Variants in ARF1 observed in about 807,000 individuals in gnomAD.
The protein encoded by ARF1 is ADP-ribosylation factor 1.
Under a neutral mutation model 18.0 loss-of-function variants are expected in ARF1, and 1 was observed. That is an observed-to-expected ratio of 0.06 (90% confidence interval 0.02 to 0.26). The LOEUF is 0.26. ARF1 is among the 10% of genes least tolerant of loss of function. The probability of loss-of-function intolerance (pLI) is 1.00; values close to 1 mark genes in which losing one functional copy is unlikely to be tolerated. For missense variants in ARF1, 73 were observed against 247.2 expected (o/e 0.30, Z 4.73); for synonymous variants, 112 against 96.3 (o/e 1.16, Z -0.95).
rs2032812885 is a variant in ARF1, at chr1:228,098,083, GGT to G, written c.*74_*75del. The G allele has an allele frequency of 6.5e-7, 1 of 1,529,156 alleles. No individual in the cohort carries two copies. The highest frequency in any genetic ancestry group is 1.4e-5 in the African/African-American group (1 of 72,906). The allele number at this position is 1,529,156 out of a possible 1,614,324, so 94.7% of individuals were successfully genotyped here. On this transcript the variant is annotated 3_prime_UTR_variant, in exon 5 of 5. Transcript: ENST00000272102. Reference sequence around the variant, plus strand: ...CTCATGTGGCAAACGTGCGGCTCGTGGTGTGAGTGCCAGAAGCTGCCTCCGTG... The same window carrying G: ...CTCATGTGGCAAACGTGCGGCTCGTGGTGAGTGCCAGAAGCTGCCTCCGTG...
intron 1 of ARF1, among the ~76,000 whole-genome samples, chr1:228,085,228 G>T (rs1319793445): frequency 1.3e-5 from 2 of 152,262 alleles, no homozygotes; most frequent in Non-Finnish European, 2.9e-5. Context: ...TTTTGGAAAA[G>T]ATTTGGCCCC....
chr1:228,085,824 A>G (rs777718877), intron 1 of ARF1, among the ~76,000 whole-genome samples: 1 of 152,252 alleles, frequency 6.6e-6, no homozygotes, highest in Non-Finnish European at 1.5e-5. Flanking sequence ...TCAGTCCATG[A>G]ACATTTCAGG....
Position 228,089,278 on chromosome 1 carries a change from T to C in ARF1, c.-38+6513T>C, listed in dbSNP as rs999602495. On this transcript the variant is annotated intron_variant, in intron 1 of 4. Transcript: ENST00000272102. This position sits in a 1 kb window ranked among gnomAD's most constrained non-coding sequence, Gnocchi z 4.1. ...GTCACTTGAAGGGAGGTCCCCAGAG[T>C]GTCCCCGGGGTGTGCCTTTCTCTCA... 6.6e-6 allele frequency among the ~76,000 whole-genome samples: 1 copy of C among 152,132 alleles called. No individual in the cohort carries two copies. The highest frequency in any genetic ancestry group is 1.5e-5 in the Non-Finnish European group (1 of 67,988).
chr1:228,087,742 C>A (rs1161429991), intron 1 of ARF1, among the ~76,000 whole-genome samples: 1 of 152,210 alleles, frequency 6.6e-6, no homozygotes, highest in East Asian at 1.9e-4. Context: ...TGTCTGACAT[C>A]ACTGAGCTGC....
At chr1:228,092,025 A>G (rs2032591797) in intron 1 of ARF1, among the ~76,000 whole-genome samples, 1 of 152,238 alleles carries the variant, frequency 6.6e-6, no homozygotes, top group African/African-American at 2.4e-5. Flanking sequence ...TGTAATGTAC[A>G]TGAGTCCCTT....
At chr1:228,090,615 G>C (rs1417947682) in intron 1 of ARF1, 1 of 152,218 alleles carries the variant, frequency 6.6e-6, no homozygotes, top group African/African-American at 2.4e-5. Context: ...CACTGCACTG[G>C]GGGCCAGGTA....
chr1:228,099,141 G>C lies in ARF1; in HGVS notation c.*1128G>C, dbSNP rs1157613408. 1 of 152,658 alleles carries C rather than the reference G, an allele frequency of 6.6e-6. No homozygotes were observed. Among genetic ancestry groups the C allele is most frequent in the Non-Finnish European group, 1.5e-5 (1 of 68,040 alleles). 9.5% of individuals were successfully genotyped at this position (152,658 alleles called of 1,614,324 possible). ...TAGTAATCAACTGTTTTGTATACTT[G>C]TTTTCAGTTTTCATTTCGACAAACA... On this transcript the variant is annotated 3_prime_UTR_variant, in exon 5 of 5. Coordinates refer to ENST00000272102, the MANE Select transcript of ARF1 (RefSeq NM_001658.4).
intron 1 of ARF1, among the ~76,000 whole-genome samples, chr1:228,095,447 C>T (rs993160391): frequency 3.9e-5 from 6 of 152,334 alleles, no homozygotes; most frequent in Non-Finnish European, 7.3e-5. Flanking sequence ...CTTGTCCAAC[C>T]CTTAGGCCGC....
In ARF1 at chr1:228,098,128, A is replaced by G. The variant is rs1283252811; in HGVS notation, c.*115A>G. The G allele has an allele frequency of 6.2e-6, 8 of 1,292,178 alleles. No homozygotes were observed. The highest frequency in any genetic ancestry group is 2.5e-5 in the Admixed American group (1 of 40,160). The allele number at this position is 1,292,178 out of a possible 1,614,324, so 80.0% of individuals were successfully genotyped here. A position where few individuals can be genotyped will look rare whatever the true frequency, so the allele number is the denominator to read the frequency against. Reference sequence around the variant, plus strand: ...CCTCCGTGGTTTGGTCACCGTGTGCATCGCACCGTGCTGTAAATGTGGCAG... The same window carrying G: ...CCTCCGTGGTTTGGTCACCGTGTGCGTCGCACCGTGCTGTAAATGTGGCAG... On this transcript the variant is annotated 3_prime_UTR_variant, in exon 5 of 5. Transcript: ENST00000272102.
intron 1 of ARF1, among the ~76,000 whole-genome samples, chr1:228,085,547 T>C (rs1293036426): frequency 1.3e-5 from 2 of 152,228 alleles, no homozygotes; most frequent in African/African-American, 4.8e-5. Context: ...TGACTAATCC[T>C]GGTTTCCTGG....
intron 1 of ARF1, among the ~76,000 whole-genome samples, chr1:228,088,630 A>G (rs753384172): frequency 2.6e-5 from 4 of 152,220 alleles, no homozygotes; most frequent in Non-Finnish European, 4.4e-5. Context: ...AATCACAGCA[A>G]GAATTCAGTT....
chr1:228,096,998 G>A, intron 1 of ARF1, 80 bp from the exon 2 acceptor site: 1 of 1,315,076 alleles, frequency 7.6e-7, no homozygotes, highest in Non-Finnish European at 1.0e-6. Flanking sequence ...TGAGGCAGTG[G>A]TGCATCCCTG....
intron 1 of ARF1, chr1:228,087,994 C>T (rs2032461284): frequency 1.3e-5 from 2 of 152,332 alleles, no homozygotes; most frequent in South Asian, 4.1e-4. Context: ...CCATTGTTTT[C>T]TCCTCTCCTT....
Position 228,097,838 on chromosome 1 carries a change from C to A in ARF1, c.385-14C>A, listed in dbSNP as rs1305553510. 2 of 1,611,148 alleles carry A rather than the reference C, an allele frequency of 1.2e-6. No homozygotes were observed. Among genetic ancestry groups the A allele is most frequent in the East Asian group, 4.5e-5 (2 of 44,836 alleles). On this transcript the variant is annotated splice_polypyrimidine_tract_variant and intron_variant, in intron 4 of 4. Coordinates refer to ENST00000272102, the MANE Select transcript of ARF1 (RefSeq NM_001658.4). The surrounding 1 kb of genome is among the most constrained non-coding windows in gnomAD (Gnocchi z 8.1). ...CTGTGGACAGCCCTTCCCACCAACCCTTCCTTCCCCCAGGACCTCCCCAAC... is the reference window on the plus strand; with the variant it reads ...CTGTGGACAGCCCTTCCCACCAACCATTCCTTCCCCCAGGACCTCCCCAAC...
At chr1:228,088,567 C>T (rs1464320163) in intron 1 of ARF1, among the ~76,000 whole-genome samples, 1 of 152,084 alleles carries the variant, frequency 6.6e-6, no homozygotes, top group African/African-American at 2.4e-5. Context: ...TCTGAAGTTC[C>T]AGGAACAAAA....
Position 228,097,689 on chromosome 1 carries a change from G to A in ARF1, c.358G>A (p.Val120Ile). The change falls in exon 4 of 5, where the codon GTC becomes ATC. Residue 120 changes from valine to isoleucine, a missense_variant. Coordinates refer to ENST00000272102, the MANE Select transcript of ARF1 (RefSeq NM_001658.4). The surrounding 1 kb of genome is among the most constrained non-coding windows in gnomAD (Gnocchi z 8.1). ...GGCCGAGGACGAGCTCCGGGATGCT[G>A]TCCTCCTGGTGTTCGCCAACAAGCA... ...MLAEDELRDAVLLVFANKQDL... is the reference protein window; with the variant it reads ...MLAEDELRDAILLVFANKQDL... 6.2e-7 allele frequency: 1 copy of A among 1,612,740 alleles called. No homozygotes were observed. The highest frequency in any genetic ancestry group is 8.5e-7 in the Non-Finnish European group (1 of 1,179,134).
rs2032245300 is a variant in ARF1, at chr1:228,082,720, T to C, written c.-83T>C. Reference sequence around the variant, plus strand: ...CGTGGCCGCCGTCAGAGCCGCCATCTTGTGGGAGCAAAACCAACGCCTGGC... The same window carrying C: ...CGTGGCCGCCGTCAGAGCCGCCATCCTGTGGGAGCAAAACCAACGCCTGGC... On this transcript the variant is annotated 5_prime_UTR_variant, in exon 1 of 5. Transcript: ENST00000272102. The surrounding 1 kb of genome is among the most constrained non-coding windows in gnomAD (Gnocchi z 6.1). 6.6e-6 allele frequency: 1 copy of C among 151,570 alleles called. No homozygotes were observed. The highest frequency in any genetic ancestry group is 1.5e-5 in the Non-Finnish European group (1 of 67,874). The allele number at this position is 151,570 out of a possible 1,614,324, so 9.4% of individuals were successfully genotyped here.
rs61737797 is a variant in ARF1, at chr1:228,097,944, C to T, written c.477C>T (p.Cys159=). The part of the protein sequence containing the change: ...RHRNWYIQAT[C]ATSGDGLYEG... ...GGAACTGGTACATTCAGGCCACCTGCGCCACCAGCGGCGACGGGCTCTATG... is the reference window on the plus strand; with the variant it reads ...GGAACTGGTACATTCAGGCCACCTGTGCCACCAGCGGCGACGGGCTCTATG... Residue 159 remains cysteine (C), a synonymous_variant, in exon 5 of 5, where the codon TGC becomes TGT. Transcript: ENST00000272102. This position sits in a 1 kb window ranked among gnomAD's most constrained non-coding sequence, Gnocchi z 8.1. 1,959 of 1,614,194 alleles carry T rather than the reference C, an allele frequency of 1.2e-3. 18 individuals are homozygous for T. Among genetic ancestry groups the T allele is most frequent in the East Asian group, 0.011 (509 of 44,876 alleles).
In ARF1 at chr1:228,093,494, G is replaced by A. The variant is rs536308691; in HGVS notation, c.-37-3584G>A. On this transcript the variant is annotated intron_variant, in intron 1 of 4. Coordinates refer to ENST00000272102, the MANE Select transcript of ARF1 (RefSeq NM_001658.4). ...CAGCAGGGCCACAGATGTGCTTGTC[G>A]GTAGGAGAGACCAAGCTGTCTGTGT... Among the ~76,000 whole-genome samples the A allele has an allele frequency of 3.9e-5, 6 of 152,176 alleles. No individual in the cohort carries two copies. The South Asian group carries it at 6.2e-4, about 16-fold the overall frequency.
Sources: allele counts gnomAD v4.1 joint callset (sites outside exome capture counted in the v4.1 genomes callset), GRCh38; gene constraint gnomAD v4.1.1; non-coding constraint Gnocchi (gnomAD v3.1); transcripts MANE v1.5; gene names NCBI Gene and HGNC (gene_info 2026-07-23, HGNC 2026-07-21).